Variants in BAZ2B observed in about 807,000 individuals in gnomAD.
BAZ2B encodes bromodomain adjacent to zinc finger domain protein 2B.
In BAZ2B, 91 loss-of-function variants were observed where a neutral mutation model predicts 246.0. That is an observed-to-expected ratio of 0.37 (90% CI 0.31 to 0.44). The LOEUF (loss-of-function observed/expected upper bound fraction) is 0.44. Ranked by LOEUF, BAZ2B falls within the 20% of genes least tolerant of loss-of-function variation. BAZ2B has a pLI of 1.00. For missense variants in BAZ2B, 2,332 were observed against 2,533.7 expected, an observed-to-expected ratio of 0.92 and a Z score of 1.71; for synonymous variants, 855 against 860.0, an observed-to-expected ratio of 0.99 and a Z score of 0.10.
At chr2:159,519,676 T>C (rs2083909041) in intron 2 of BAZ2B, among the ~76,000 whole-genome samples, 1 of 141,172 alleles carries the variant, frequency 7.1e-6, no homozygotes, top group South Asian at 2.4e-4. Context: ...TCTTCTTTTT[T>C]TTTTTTTTTT....
At chr2:159,399,978 A>G (rs1221593025) in intron 17 of BAZ2B, among the ~76,000 whole-genome samples, 2 of 152,212 alleles carry the variant, frequency 1.3e-5, no homozygotes, top group African/African-American at 4.8e-5. Flanking sequence ...CCTTTGGGCT[A>G]TTAAGGTTTT....
intron 2 of BAZ2B, among the ~76,000 whole-genome samples, chr2:159,521,185 T>G (rs1030686738): frequency 2.0e-5 from 3 of 152,090 alleles, no homozygotes; most frequent in African/African-American, 7.2e-5. Context: ...CAATCAAGAT[T>G]CATTCTGTTC....
chr2:159,411,629 T>C (rs1189891837), intron 14 of BAZ2B, among the ~76,000 whole-genome samples: 1 of 152,228 alleles, frequency 6.6e-6, no homozygotes, highest in East Asian at 1.9e-4. Flanking sequence ...GCTTCACATT[T>C]GTAACTAGTG....
At position 159,396,124 on chromosome 2, in the gene BAZ2B, C is replaced by T. The variant is rs1156332484; in HGVS notation, c.3010-290G>A. ...TTTACTTATGGTCAGTTGTGATGCT[C>T]CTTCAAAAGCTGGCAGAACAAAAAG... On this transcript the variant is annotated intron_variant, in intron 19 of 36. Coordinates refer to ENST00000392783, the MANE Select transcript of BAZ2B (RefSeq NM_013450.4). The T allele has an allele frequency of 2.8e-5, 6 of 217,416 alleles. No homozygotes were observed. The South Asian group carries it at 5.7e-4, about 21-fold the overall frequency. The allele number at this position is 217,416 out of a possible 1,614,324, so 13.5% of individuals were successfully genotyped here.
intron 1 of BAZ2B, among the ~76,000 whole-genome samples, chr2:159,593,397 T>C (rs6704730): frequency 0.064 from 9,722 of 152,236 alleles, 1,002 homozygotes; most frequent in African/African-American, 0.22. Flanking sequence ...AAAAAAAGAT[T>C]ATGTCCTATC....
chr2:159,712,276 GCTGCCGGCACGCCGGC>G, the BAZ2B span: 1 of 152,358 alleles, frequency 6.6e-6, no homozygotes, highest in East Asian at 1.9e-4. Context: ...CGCCAGCCCA[GCTGCCGGCACGCCGGC>G]CAGCCAGCCG....
At chr2:159,398,637 T>C (rs969960644) in intron 18 of BAZ2B, among the ~76,000 whole-genome samples, 192 bp downstream of exon 18, 1 of 152,130 alleles carries the variant, frequency 6.6e-6, no homozygotes, top group Non-Finnish European at 1.5e-5. Flanking sequence ...CAAAAAACCC[T>C]GCATAATAAA....
the BAZ2B span, among the ~76,000 whole-genome samples, chr2:159,709,977 T>C: frequency 1.7e-5 from 2 of 118,690 alleles, no homozygotes; most frequent in African/African-American, 5.5e-5. Context: ...CAAAGATATT[T>C]AGATACAGAA....
At chr2:159,683,245 A>G in the BAZ2B span, among the ~76,000 whole-genome samples, 4 of 152,228 alleles carry the variant, frequency 2.6e-5, no homozygotes, top group South Asian at 4.1e-4. Context: ...ACATACAGTA[A>G]GTTCACACTA....
At chr2:159,321,609 C>T (rs1049840364) in intron 36 of BAZ2B, among the ~76,000 whole-genome samples, 1 of 152,110 alleles carries the variant, frequency 6.6e-6, no homozygotes. Context: ...TTTGAAACAA[C>T]GTGGATCAAA....
intron 31 of BAZ2B, among the ~76,000 whole-genome samples, chr2:159,338,912 C>T (rs1292882206): frequency 6.6e-6 from 1 of 152,070 alleles, no homozygotes; most frequent in East Asian, 1.9e-4. Flanking sequence ...CTAGATTCTG[C>T]ATATATGTAT....
chr2:159,405,294 C>T (rs199986087), intron 14 of BAZ2B, among the ~76,000 whole-genome samples, 180 bp from the exon 15 acceptor site: 1 of 152,104 alleles, frequency 6.6e-6, no homozygotes, highest in Non-Finnish European at 1.5e-5. Context: ...TCACTGCAAT[C>T]TCCGCCTCCC....
intron 27 of BAZ2B, among the ~76,000 whole-genome samples, chr2:159,370,134 C>T (rs2060662731): frequency 6.6e-6 from 1 of 151,956 alleles, no homozygotes; most frequent in Non-Finnish European, 1.5e-5. Flanking sequence ...AACACTTGGA[C>T]ACAGGAAGGG....
downstream of BAZ2B, among the ~76,000 whole-genome samples, chr2:159,318,423 G>A (rs569771180): frequency 8.5e-5 from 13 of 152,318 alleles, no homozygotes; most frequent in South Asian, 2.7e-3. Context: ...TTGAAGCTTT[G>A]TGAAGTTAAA....
At chr2:159,530,458 C>T (rs373353141) in intron 2 of BAZ2B, among the ~76,000 whole-genome samples, 2 of 152,142 alleles carry the variant, frequency 1.3e-5, no homozygotes, top group East Asian at 3.8e-4. Context: ...TATAAATAAT[C>T]TATAAAACCC....
intron 2 of BAZ2B, among the ~76,000 whole-genome samples, chr2:159,500,751 C>T (rs1008519027): frequency 4.6e-5 from 7 of 151,970 alleles, no homozygotes; most frequent in South Asian, 4.1e-4. Context: ...GTCAGGAATT[C>T]GAGACCAGCC....
chr2:159,638,698 G>C, the BAZ2B span, among the ~76,000 whole-genome samples: 1 of 148,940 alleles, frequency 6.7e-6, no homozygotes, highest in Non-Finnish European at 1.5e-5. Context: ...AAAATACAAA[G>C]TCAGAGGAGA....
the BAZ2B span, among the ~76,000 whole-genome samples, chr2:159,648,452 A>G: frequency 6.6e-6 from 1 of 152,004 alleles, no homozygotes; most frequent in Non-Finnish European, 1.5e-5. Context: ...TTGCTCCTTT[A>G]TAGTGCTTCC....
At position 159,404,876 on chromosome 2, in the gene BAZ2B, T is replaced by G; in HGVS notation, c.2805A>C (p.Lys935Asn). Residue 935 changes from lysine to asparagine, a missense_variant, in exon 16 of 37, where the codon AAA (lysine) becomes AAC (asparagine). By Grantham distance (94) the Lys-to-Asn change is moderately conservative. Coordinates refer to ENST00000392783, the MANE Select transcript of BAZ2B (RefSeq NM_013450.4). The stretch of plus-strand genomic sequence containing the variant: ...GCTGTTTCATAATCTTTATCTGTTC[T>G]TTTTGCTTCCGCTTCTCCTCAGCAG... ...IMAAEEKRKQ[K>N]EQIKIMKQQE... The G allele has an allele frequency of 6.2e-7, 1 of 1,613,296 alleles. No individual in the cohort carries two copies. Among genetic ancestry groups the G allele is most frequent in the South Asian group, 1.1e-5 (1 of 91,072 alleles).
Sources: gnomAD v4.1 joint callset for allele counts (sites outside exome capture counted in the v4.1 genomes callset) on GRCh38, gnomAD v4.1.1 for gene constraint, MANE v1.5 for transcripts, NCBI Gene and HGNC (gene_info 2026-07-23, HGNC 2026-07-21) for gene names.